The following LOC730098 variants were observed in gnomAD, a reference collection of about 807,000 sequenced individuals.
chr9:34,665,984 G>C, the LOC730098 span: 8 of 443,072 alleles, frequency 1.8e-5, no homozygotes, highest in Admixed American at 4.0e-5. Flanking sequence ...TCACCTGGAG[G>C]GGGGGCTGAG....
the LOC730098 span, chr9:34,665,385 G>C: frequency 4.3e-6 from 3 of 700,978 alleles, no homozygotes; most frequent in South Asian, 1.5e-5. Context: ...TGCAGAGAGA[G>C]GGCAGAGCCG....
At chr9:34,664,825 A>G in the LOC730098 span, 1 of 411,930 alleles carries the variant, frequency 2.4e-6, no homozygotes. Context: ...GGCGACTCAC[A>G]GTATGGGTTT....
At chr9:34,664,942 C>T in the LOC730098 span, 16 of 483,302 alleles carry the variant, frequency 3.3e-5, no homozygotes, top group Non-Finnish European at 5.8e-5. Flanking sequence ...GACGCCCTGT[C>T]AGTACGGAAC....
chr9:34,665,237 G>C, the LOC730098 span: 1 of 690,452 alleles, frequency 1.4e-6, no homozygotes, highest in South Asian at 1.5e-5. Context: ...GGAGCTACCG[G>C]ATTCCCCCCG....
the LOC730098 span, chr9:34,665,304 GCCT>G: frequency 1.4e-6 from 1 of 701,460 alleles, no homozygotes; most frequent in Non-Finnish European, 2.6e-6. Flanking sequence ...CGGTATCGCA[GCCT>G]CCTCACCTCC....
At chr9:34,665,539 G>A in the LOC730098 span, 1 of 416,014 alleles carries the variant, frequency 2.4e-6, no homozygotes, top group Non-Finnish European at 4.2e-6. Context: ...CCCACCCCTC[G>A]CCCCCGCAGA....
chr9:34,664,816 G>C, the LOC730098 span: 9 of 407,588 alleles, frequency 2.2e-5, no homozygotes, highest in African/African-American at 1.6e-4. Flanking sequence ...CTTCATATAG[G>C]CGACTCACAG....
At chr9:34,665,303 A>T in the LOC730098 span, 1 of 701,898 alleles carries the variant, frequency 1.4e-6, no homozygotes, top group South Asian at 1.5e-5. Context: ...GCGGTATCGC[A>T]GCCTCCTCAC....
chr9:34,665,174 C>G, the LOC730098 span: 1 of 638,542 alleles, frequency 1.6e-6, no homozygotes, highest in Non-Finnish European at 2.8e-6. Context: ...AGCTTCTGCT[C>G]CCCGGGGTGC....
chr9:34,664,722 T>C, the LOC730098 span: 23 of 290,616 alleles, frequency 7.9e-5, no homozygotes, highest in African/African-American at 4.3e-4. Flanking sequence ...GTTTTAGATA[T>C]ACTCCCAGCA....
At chr9:34,665,491 G>A in the LOC730098 span, 2 of 696,874 alleles carry the variant, frequency 2.9e-6, no homozygotes, top group Admixed American at 2.0e-5. Context: ...TCTAAAAGCG[G>A]CTCCCTTCGC....
At chr9:34,664,976 T>C in the LOC730098 span, 38 of 546,444 alleles carry the variant, frequency 7.0e-5, no homozygotes, top group Middle Eastern at 4.1e-4. Context: ...GGAGGGGCGC[T>C]CGGCTCGAAT....
the LOC730098 span, chr9:34,664,898 G>C: frequency 1.3e-5 from 6 of 454,628 alleles, 1 homozygote; most frequent in South Asian, 3.1e-4. Flanking sequence ...ACTGATGAGG[G>C]GCTTTGACGT....
the LOC730098 span, chr9:34,665,593 C>T: frequency 1.4e-6 from 1 of 700,768 alleles, no homozygotes; most frequent in South Asian, 1.5e-5. Flanking sequence ...TCCTCCTCCG[C>T]AGAACCCGCC....
At chr9:34,665,149 C>A in the LOC730098 span, 14 of 621,550 alleles carry the variant, frequency 2.3e-5, no homozygotes, top group Non-Finnish European at 4.0e-5. Context: ...GCTCATCAGG[C>A]CTCGCAGAGG....
chr9:34,665,291 C>T, the LOC730098 span: 1 of 702,288 alleles, frequency 1.4e-6, no homozygotes, highest in South Asian at 1.5e-5. Flanking sequence ...CGGGGCGGGT[C>T]CGCGGTATCG....
the LOC730098 span, chr9:34,665,415 G>C: frequency 1.4e-6 from 1 of 699,606 alleles, no homozygotes; most frequent in South Asian, 1.5e-5. Context: ...GGGCGGGGCG[G>C]GGAGGAGCTG....
At chr9:34,665,012 G>A in the LOC730098 span, 2 of 582,340 alleles carry the variant, frequency 3.4e-6, no homozygotes, top group Non-Finnish European at 3.0e-6. Context: ...AGAGTCAGGA[G>A]GTCAGTACGG....
At chr9:34,665,040 C>G in the LOC730098 span, 3 of 596,606 alleles carry the variant, frequency 5.0e-6, no homozygotes, top group Non-Finnish European at 8.9e-6. Flanking sequence ...CGGTTTAAAT[C>G]TTTAATGCAC....
Sources: gnomAD v4.1 joint callset for allele counts on GRCh38, gnomAD v4.1.1 for gene constraint, MANE v1.5 for transcripts.